Variants in FBXW7 observed in about 807,000 individuals in gnomAD.
The protein encoded by FBXW7 is F-box and WD repeat domain containing 7, also known as F-box/WD repeat-containing protein 7.
A neutral mutation model predicts 86.3 loss-of-function variants in FBXW7; 11 were observed. That is an observed-to-expected ratio of 0.13 (90% confidence interval 0.08 to 0.21). The LOEUF (loss-of-function observed/expected upper bound fraction) is 0.21, where lower values mean the gene tolerates loss of function less well. Among genes scored for constraint, FBXW7 ranks in the 10% least tolerant of loss-of-function variants. The pLI, the probability that FBXW7 is intolerant of heterozygous loss-of-function variation, is 1.00. For missense variants in FBXW7, 488 were observed against 847.4 expected, an observed-to-expected ratio of 0.58 and a Z score of 5.27; for synonymous variants, 313 against 297.9, an observed-to-expected ratio of 1.05 and a Z score of -0.52.
chr4:152,374,889 G>GT, intron 4 of FBXW7, among the ~76,000 whole-genome samples: 1 of 146,962 alleles, frequency 6.8e-6, no homozygotes, highest in Middle Eastern at 3.5e-3. Flanking sequence ...GTTACAGGAG[G>GT]GGGGGGGATG....
chr4:152,400,028 T>C (rs914408631), intron 4 of FBXW7, among the ~76,000 whole-genome samples: 3 of 152,136 alleles, frequency 2.0e-5, no homozygotes, highest in East Asian at 3.9e-4. Flanking sequence ...AGCTGGGAGA[T>C]AGACACTCTC....
chr4:152,431,297 G>A (rs1482139041), intron 2 of FBXW7, among the ~76,000 whole-genome samples: 1 of 152,164 alleles, frequency 6.6e-6, no homozygotes, highest in African/African-American at 2.4e-5. Flanking sequence ...AATCAGGGCA[G>A]CCCCCATTCT....
intron 5 of FBXW7, among the ~76,000 whole-genome samples, chr4:152,349,807 A>G (rs1036935678): frequency 4.0e-5 from 6 of 151,826 alleles, no homozygotes; most frequent in Non-Finnish European, 8.9e-5. Context: ...ATTTTTGTTC[A>G]CAAGATAATT....
At chr4:152,462,177 C>T (rs1743011589) in intron 2 of FBXW7, among the ~76,000 whole-genome samples, 1 of 152,186 alleles carries the variant, frequency 6.6e-6, no homozygotes, top group Admixed American at 6.5e-5. Context: ...AGAGATTATA[C>T]TGAGATGTGT....
intron 7 of FBXW7, among the ~76,000 whole-genome samples, chr4:152,337,155 A>G (rs1036986714): frequency 2.6e-5 from 4 of 151,938 alleles, no homozygotes; most frequent in African/African-American, 9.7e-5. Flanking sequence ...TGATAGTTTC[A>G]GCTTACATAA....
intron 2 of FBXW7, among the ~76,000 whole-genome samples, chr4:152,491,119 C>T (rs927336100): frequency 6.6e-6 from 1 of 152,150 alleles, no homozygotes; most frequent in East Asian, 1.9e-4. Context: ...AGTTCCAGAT[C>T]TAATAACACA....
At chr4:152,445,360 G>A (rs1287634969) in intron 2 of FBXW7, among the ~76,000 whole-genome samples, 1 of 152,056 alleles carries the variant, frequency 6.6e-6, no homozygotes, top group Non-Finnish European at 1.5e-5. Context: ...TGAAATGCTT[G>A]GAACCAGAAA....
At chr4:152,480,486 T>C (rs915719587) in intron 2 of FBXW7, among the ~76,000 whole-genome samples, 8 of 151,964 alleles carry the variant, frequency 5.3e-5, no homozygotes, top group South Asian at 2.1e-4. Flanking sequence ...AGTGTTGGAG[T>C]GAAAAGAAGA....
chr4:152,382,156 A>G, intron 4 of FBXW7: 3 of 1,468,610 alleles, frequency 2.0e-6, no homozygotes, highest in Non-Finnish European at 2.7e-6. Flanking sequence ...CACTTAAATA[A>G]ACATTCATAT....
intron 4 of FBXW7, among the ~76,000 whole-genome samples, chr4:152,357,581 A>T (rs931437771): frequency 6.6e-6 from 1 of 152,092 alleles, no homozygotes; most frequent in Non-Finnish European, 1.5e-5. Flanking sequence ...TCAGCCTCCC[A>T]AGGTGCTGGG....
chr4:152,373,330 A>G (rs1376870689), intron 4 of FBXW7, among the ~76,000 whole-genome samples: 10 of 151,980 alleles, frequency 6.6e-5, no homozygotes, highest in Non-Finnish European at 1.2e-4. Flanking sequence ...ATCCCAAATC[A>G]TACCTTATTC....
At position 152,504,251 on chromosome 4, in the gene FBXW7, CT is replaced by C. The variant is rs977431592; in HGVS notation, c.-120+30689del. 1.3e-5 allele frequency among the ~76,000 whole-genome samples: 2 copies of C among 152,002 alleles called. 1 individual carries two copies. The highest frequency in any genetic ancestry group is 2.9e-5 in the Non-Finnish European group (2 of 67,986). On this transcript the variant is annotated intron_variant, in intron 2 of 13. Coordinates refer to ENST00000281708, the MANE Select transcript of FBXW7 (RefSeq NM_001349798.2). ...AGGTATGCCAGAAATTTTATAAGAA[CT>C]TTCTTATAAATTTACATTGAAATTT...
At chr4:152,358,984 C>T (rs1459255750) in intron 4 of FBXW7, among the ~76,000 whole-genome samples, 3 of 152,006 alleles carry the variant, frequency 2.0e-5, no homozygotes, top group Non-Finnish European at 4.4e-5. Flanking sequence ...AGCTAAAACA[C>T]GAGACATTGT....
intron 2 of FBXW7, among the ~76,000 whole-genome samples, chr4:152,414,238 T>C (rs1738233853): frequency 6.6e-6 from 1 of 152,180 alleles, no homozygotes; most frequent in South Asian, 2.1e-4. Context: ...ACAGCCTTCC[T>C]GCACTTCGGA....
chr4:152,362,418 T>C (rs977768490), intron 4 of FBXW7, among the ~76,000 whole-genome samples: 4 of 152,188 alleles, frequency 2.6e-5, no homozygotes, highest in African/African-American at 9.7e-5. Flanking sequence ...CAGTATTTTT[T>C]AGTTCATGAG....
intron 5 of FBXW7, chr4:152,348,779 T>C (rs1487348386): frequency 2.4e-6 from 2 of 843,888 alleles, no homozygotes; most frequent in African/African-American, 1.8e-5. Context: ...AGAAATACTT[T>C]ATCATGACTA....
intron 4 of FBXW7, among the ~76,000 whole-genome samples, chr4:152,397,420 C>T (rs1560847388): frequency 6.6e-6 from 1 of 151,606 alleles, no homozygotes; most frequent in Non-Finnish European, 1.5e-5. Context: ...TTTTTCTTTT[C>T]TTGATATTTC....
chr4:152,432,631 C>T (rs534523228), intron 2 of FBXW7, among the ~76,000 whole-genome samples: 1 of 151,784 alleles, frequency 6.6e-6, no homozygotes, highest in East Asian at 1.9e-4. Context: ...ACATAGTGAA[C>T]CCCCATCTCT....
chr4:152,322,723 T>C lies in FBXW7; in HGVS notation c.*158A>G, dbSNP rs1728654294. 4 of 1,194,180 alleles carry C rather than the reference T, an allele frequency of 3.3e-6. No individual in the cohort carries two copies. In the South Asian group the frequency reaches 7.1e-5, roughly 21 times the overall value. The allele number at this position is 1,194,180 out of a possible 1,614,324, so 74.0% of individuals were successfully genotyped here. A position where few individuals can be genotyped will look rare whatever the true frequency, so the allele number is the denominator to read the frequency against. Reference sequence around the variant, plus strand: ...TGTCATCTCTTCTTCTTTTCCTTCTTAGTCTGTAGGTCTTTTCAATCTGTT... The same window carrying C: ...TGTCATCTCTTCTTCTTTTCCTTCTCAGTCTGTAGGTCTTTTCAATCTGTT... On this transcript the variant is annotated 3_prime_UTR_variant, in exon 14 of 14. Coordinates refer to ENST00000281708, the MANE Select transcript of FBXW7 (RefSeq NM_001349798.2).
Sources: gnomAD v4.1 joint callset for allele counts (sites outside exome capture counted in the v4.1 genomes callset) on GRCh38, gnomAD v4.1.1 for gene constraint, MANE v1.5 for transcripts, NCBI Gene and HGNC (gene_info 2026-07-23, HGNC 2026-07-21) for gene names.